Variants in SPAG1 observed in about 807,000 individuals in gnomAD.
SPAG1 encodes sperm associated antigen 1, also known as sperm-associated antigen 1.
SPAG1 carries 69 observed loss-of-function variants against 100.5 expected under a neutral mutation model. The observed-to-expected ratio is 0.69, with a 90% CI of 0.57 to 0.84. SPAG1 has a LOEUF of 0.84. SPAG1 is among the 40% of genes least tolerant of loss of function. The pLI, the probability that SPAG1 is intolerant of heterozygous loss-of-function variation, is 0.00. For synonymous variants in SPAG1, 336 were observed against 411.6 expected (o/e 0.82, Z 2.22); for missense variants, 955 against 1,133.1 (o/e 0.84, Z 2.26).
At chr8:100,178,641 G>GAATCAATTTTATTTTAA (rs1816233208) in intron 4 of SPAG1, among the ~76,000 whole-genome samples, 1 of 152,118 alleles carries the variant, frequency 6.6e-6, no homozygotes, top group Admixed American at 6.5e-5. Flanking sequence ...TCTTTTCTTT[G>GAATCAATTTTATTTTAA]AATCAATTTT....
chr8:100,233,111 A>C (rs1818851854), intron 15 of SPAG1: 2 of 301,408 alleles, frequency 6.6e-6, no homozygotes, highest in Non-Finnish European at 1.3e-5. Context: ...GCCCCACTGA[A>C]TCTGATGTAG....
intron 9 of SPAG1, among the ~76,000 whole-genome samples, chr8:100,192,246 C>T (rs770165482): frequency 2.6e-5 from 4 of 152,164 alleles, no homozygotes; most frequent in Non-Finnish European, 5.9e-5. Flanking sequence ...AGGCAAATCA[C>T]CTGAGGTCAG....
At chr8:100,204,778 GC>G (rs1817435700) in intron 10 of SPAG1, among the ~76,000 whole-genome samples, 1 of 152,172 alleles carries the variant, frequency 6.6e-6, no homozygotes, top group Admixed American at 6.5e-5. Flanking sequence ...TCTTTGAAGA[GC>G]CGTGTAATTG....
intron 15 of SPAG1, among the ~76,000 whole-genome samples, chr8:100,231,822 C>A (rs147292167): frequency 2.6e-5 from 4 of 152,054 alleles, no homozygotes; most frequent in Admixed American, 2.6e-4. Context: ...ATTAGCCAGG[C>A]GCAGCGGCAG....
chr8:100,187,511 CCAA>C (rs2132269335), intron 8 of SPAG1, among the ~76,000 whole-genome samples: 1 of 151,854 alleles, frequency 6.6e-6, no homozygotes, highest in Non-Finnish European at 1.5e-5. Context: ...AAACAAAAAA[CCAA>C]CAACAACAAA....
chr8:100,193,337 T>C (rs1816891617), intron 9 of SPAG1, among the ~76,000 whole-genome samples: 1 of 152,088 alleles, frequency 6.6e-6, no homozygotes, highest in South Asian at 2.1e-4. Context: ...GGTGTGGGCC[T>C]GTAGTCCTAG....
At chr8:100,212,457 C>T (rs767584594) in intron 10 of SPAG1, among the ~76,000 whole-genome samples, 5 of 152,158 alleles carry the variant, frequency 3.3e-5, no homozygotes, top group African/African-American at 4.8e-5. Flanking sequence ...ATTATTAAAG[C>T]TATTAATACC....
chr8:100,191,522 C>G, intron 9 of SPAG1, 26 bp downstream of exon 9: 1 of 1,461,628 alleles, frequency 6.8e-7, no homozygotes, highest in East Asian at 2.3e-5. Flanking sequence ...GATTTCTCAC[C>G]TAATTCTGTA....
chr8:100,221,883 A>G (rs1396724817), intron 13 of SPAG1, among the ~76,000 whole-genome samples: 1 of 152,260 alleles, frequency 6.6e-6, no homozygotes, highest in East Asian at 1.9e-4. Flanking sequence ...CCTGCTGGAA[A>G]GATACATAGG....
At chr8:100,231,392 T>C in intron 15 of SPAG1, 104 bp downstream of exon 15, 1 of 770,350 alleles carries the variant, frequency 1.3e-6, no homozygotes. Flanking sequence ...CCAAAGTTTT[T>C]TGTGATGGTT....
At chr8:100,215,530 TTTG>T (rs1817644035) in intron 12 of SPAG1, among the ~76,000 whole-genome samples, 1 of 152,174 alleles carries the variant, frequency 6.6e-6, no homozygotes, top group African/African-American at 2.4e-5. Flanking sequence ...ATCAGTTTAT[TTTG>T]TTTTTTTGTT....
At chr8:100,168,558 T>TG (rs1475366811) in intron 3 of SPAG1, among the ~76,000 whole-genome samples, 39 of 147,926 alleles carry the variant, frequency 2.6e-4, no homozygotes. Flanking sequence ...CACACCTGGC[T>TG]ATTTTTTTTT....
chr8:100,226,114 AG>A (rs1414278563), intron 14 of SPAG1, among the ~76,000 whole-genome samples: 1 of 150,902 alleles, frequency 6.6e-6, no homozygotes, highest in African/African-American at 2.4e-5. Flanking sequence ...CTCCTGCCTC[AG>A]CCTCCCGAGT....
chr8:100,200,813 A>C (rs1453683652), intron 10 of SPAG1, among the ~76,000 whole-genome samples: 1 of 151,966 alleles, frequency 6.6e-6, no homozygotes, highest in Non-Finnish European at 1.5e-5. Context: ...TTTCTTGTAA[A>C]TTTGTTTGAG....
intron 10 of SPAG1, among the ~76,000 whole-genome samples, chr8:100,212,874 C>T (rs1817772531): frequency 7.2e-6 from 1 of 138,434 alleles, no homozygotes; most frequent in Non-Finnish European, 1.5e-5. Flanking sequence ...ACCCGGGAGC[C>T]GAGTCCTCAG....
At chr8:100,180,923 C>G (rs1437074781) in intron 4 of SPAG1, among the ~76,000 whole-genome samples, 1 of 152,170 alleles carries the variant, frequency 6.6e-6, no homozygotes, top group Non-Finnish European at 1.5e-5. Flanking sequence ...ATAATGAAAT[C>G]TGTGAATATT....
intron 3 of SPAG1, among the ~76,000 whole-genome samples, chr8:100,173,367 AAGTCTTCC>A (rs1460546594): frequency 6.6e-6 from 1 of 151,368 alleles, no homozygotes; most frequent in East Asian, 1.9e-4. Flanking sequence ...CCTCCTCTAT[AAGTCTTCC>A]TCTTATCTTT....
chr8:100,168,359 C>T (rs1377498334), intron 3 of SPAG1, among the ~76,000 whole-genome samples: 2 of 151,610 alleles, frequency 1.3e-5, no homozygotes, highest in Admixed American at 6.6e-5. Flanking sequence ...ATCCTTTGCC[C>T]GTTAAAAAAA....
At chr8:100,178,403 G>T (rs576133586) in intron 4 of SPAG1, among the ~76,000 whole-genome samples, 42 of 151,922 alleles carry the variant, frequency 2.8e-4, no homozygotes, top group Non-Finnish European at 5.1e-4. Flanking sequence ...TTTAGTGCAT[G>T]TTTTTTCCTC....
Sources: gnomAD v4.1 joint callset for allele counts (sites outside exome capture counted in the v4.1 genomes callset) on GRCh38, gnomAD v4.1.1 for gene constraint, MANE v1.5 for transcripts, NCBI Gene and HGNC (gene_info 2026-07-23, HGNC 2026-07-21) for gene names.